The following NLGN1 variants were observed in gnomAD, a reference collection of about 807,000 sequenced individuals.
The protein encoded by NLGN1 is neuroligin 1.
A neutral mutation model predicts 65.5 loss-of-function variants in NLGN1; 12 were observed. That is an observed-to-expected ratio of 0.18 (90% CI 0.12 to 0.30). The LOEUF (loss-of-function observed/expected upper bound fraction) is 0.30, where lower values mean the gene tolerates loss of function less well. NLGN1 is among the 10% of genes least tolerant of loss of function. NLGN1 has a pLI of 1.00. For synonymous variants in NLGN1, 350 were observed against 359.5 expected (o/e 0.97, Z 0.30); for missense variants, 750 against 1,007.1 (o/e 0.74, Z 3.46).
At chr3:174,132,174 CT>C (rs1474464937) in intron 4 of NLGN1, among the ~76,000 whole-genome samples, 4 of 152,294 alleles carry the variant, frequency 2.6e-5, no homozygotes, top group African/African-American at 9.6e-5. Flanking sequence ...CTAAGACTTG[CT>C]TTCACTTTAA....
chr3:173,882,655 G>A (rs1294445028), intron 4 of NLGN1, among the ~76,000 whole-genome samples: 7 of 152,194 alleles, frequency 4.6e-5, no homozygotes, highest in Non-Finnish European at 1.0e-4. Context: ...TCATAGAATT[G>A]AAGAGAGTTA....
chr3:173,845,728 G>T, intron 4 of NLGN1, among the ~76,000 whole-genome samples: 1 of 152,098 alleles, frequency 6.6e-6, no homozygotes, highest in Non-Finnish European at 1.5e-5. Context: ...ACAGAAATCT[G>T]TCTAGTTTCT....
intron 3 of NLGN1, among the ~76,000 whole-genome samples, chr3:173,610,611 C>T (rs1216149636): frequency 6.6e-6 from 1 of 151,880 alleles, no homozygotes; most frequent in Non-Finnish European, 1.5e-5. Flanking sequence ...AAGAGAAGGA[C>T]AGCAATGGAA....
intron 3 of NLGN1, among the ~76,000 whole-genome samples, chr3:173,716,102 A>C (rs1769805189): frequency 6.6e-6 from 1 of 152,196 alleles, no homozygotes. Flanking sequence ...AATAAAATTG[A>C]GCAAATCTGC....
intron 4 of NLGN1, among the ~76,000 whole-genome samples, chr3:174,251,674 A>G (rs1744792129): frequency 6.6e-6 from 1 of 152,222 alleles, no homozygotes. Flanking sequence ...ATTTTGTTAC[A>G]ATTAACTTTA....
intron 2 of NLGN1, among the ~76,000 whole-genome samples, chr3:173,466,791 T>C (rs985956010): frequency 6.6e-6 from 1 of 152,132 alleles, no homozygotes; most frequent in African/African-American, 2.4e-5. Flanking sequence ...GGTAGACAAC[T>C]TTAGAAATGC....
chr3:174,225,696 A>G (rs1448735434), intron 4 of NLGN1, among the ~76,000 whole-genome samples: 1 of 151,722 alleles, frequency 6.6e-6, no homozygotes, highest in Non-Finnish European at 1.5e-5. Flanking sequence ...GCGCCACTGC[A>G]CTCCAGCCTG....
chr3:173,642,479 A>G (rs1267230741), intron 3 of NLGN1, among the ~76,000 whole-genome samples: 2 of 152,218 alleles, frequency 1.3e-5, no homozygotes, highest in Non-Finnish European at 2.9e-5. Context: ...GTTCAGGGAA[A>G]GAATTTGCCA....
At position 174,279,465 on chromosome 3, in the gene NLGN1, T is replaced by C. The variant is rs1290340412; in HGVS notation, c.1464T>C (p.Phe488=). ...GTTCACCTACGTACTTCTATGCCTT[T>C]TACCATCATTGCCAAACAGATCAGG... is the stretch of plus-strand genomic sequence containing the variant. The change falls in exon 6 of 7, where the codon TTT becomes TTC. Residue 488 remains phenylalanine, a synonymous_variant. Transcript: ENST00000457714. This position sits in a 1 kb window ranked among gnomAD's most constrained non-coding sequence, Gnocchi z 4.7. The C allele has an allele frequency of 6.2e-7, 1 of 1,613,234 alleles. No individual in the cohort carries two copies. Among genetic ancestry groups the C allele is most frequent in the Non-Finnish European group, 8.5e-7 (1 of 1,179,526 alleles).
At chr3:173,983,007 A>C (rs1376266136) in intron 4 of NLGN1, among the ~76,000 whole-genome samples, 3 of 152,218 alleles carry the variant, frequency 2.0e-5, no homozygotes, top group Admixed American at 6.6e-5. Flanking sequence ...TCTCATAAAA[A>C]ACATTTTTAT....
At chr3:173,768,540 G>A (rs1779102856) in intron 3 of NLGN1, among the ~76,000 whole-genome samples, 1 of 152,016 alleles carries the variant, frequency 6.6e-6, no homozygotes, top group Non-Finnish European at 1.5e-5. Flanking sequence ...CCATTCATTA[G>A]TTTACACCTT....
intron 1 of NLGN1, among the ~76,000 whole-genome samples, chr3:173,412,961 A>G (rs535142744): frequency 6.6e-6 from 1 of 152,310 alleles, no homozygotes; most frequent in South Asian, 2.1e-4. Context: ...CAAGAAAGTA[A>G]TTGATTAACT....
chr3:173,648,920 A>G (rs994446396), intron 3 of NLGN1, among the ~76,000 whole-genome samples: 24 of 152,262 alleles, frequency 1.6e-4, no homozygotes, highest in African/African-American at 5.3e-4. Flanking sequence ...TTAACCAAGA[A>G]AAAAGAAAGC....
At chr3:173,832,239 C>T (rs1438269556) in intron 4 of NLGN1, among the ~76,000 whole-genome samples, 1 of 152,116 alleles carries the variant, frequency 6.6e-6, no homozygotes, top group Non-Finnish European at 1.5e-5. Context: ...GTTGGGACTA[C>T]AGGCATGATC....
chr3:173,949,580 G>A (rs1327521810), intron 4 of NLGN1, among the ~76,000 whole-genome samples: 1 of 152,106 alleles, frequency 6.6e-6, no homozygotes, highest in African/African-American at 2.4e-5. Flanking sequence ...GACTGAATGT[G>A]ATGAATTGTT....
At chr3:173,945,918 G>A (rs1259743540) in intron 4 of NLGN1, among the ~76,000 whole-genome samples, 1 of 152,162 alleles carries the variant, frequency 6.6e-6, no homozygotes, top group Non-Finnish European at 1.5e-5. Context: ...CTTAAGGCAG[G>A]TATCTCCAGG....
At chr3:174,282,150 G>T (rs553960833) in exon 7 of NLGN1, 1 of 152,154 alleles carries the variant, frequency 6.6e-6, no homozygotes, top group Non-Finnish European at 1.5e-5. Context: ...GTGAATACTC[G>T]CTGATATGAA....
chr3:173,884,363 G>A (rs116430849), intron 4 of NLGN1, among the ~76,000 whole-genome samples: 2,744 of 152,226 alleles, frequency 0.018, 25 homozygotes, highest in Middle Eastern at 0.031. Flanking sequence ...GTCTTACAGT[G>A]TTATCCTTAT....
At chr3:173,462,010 A>T (rs77735829) in intron 2 of NLGN1, among the ~76,000 whole-genome samples, 2 of 152,294 alleles carry the variant, frequency 1.3e-5, no homozygotes, top group South Asian at 4.1e-4. Context: ...AACATTTTCT[A>T]TAAGTTATTA....
Sources: allele counts gnomAD v4.1 joint callset (sites outside exome capture counted in the v4.1 genomes callset), GRCh38; gene constraint gnomAD v4.1.1; non-coding constraint Gnocchi (gnomAD v3.1); transcripts MANE v1.5; gene names NCBI Gene and HGNC (gene_info 2026-07-23, HGNC 2026-07-21).